ZNF609: variants seen among roughly 807,000 people sequenced by gnomAD.
ZNF609 encodes zinc finger protein 609.
Under a neutral mutation model 109.5 loss-of-function variants are expected in ZNF609, and 11 were observed. The ratio of observed to expected loss-of-function variants is 0.10; its 90% CI spans 0.06 to 0.17. The LOEUF is 0.17. Ranked by LOEUF, ZNF609 falls within the 10% of genes least tolerant of loss-of-function variation. The pLI is 1.00. For synonymous variants in ZNF609, 646 were observed against 662.0 expected (o/e 0.98, Z 0.37); for missense variants, 1,559 against 1,772.4 (o/e 0.88, Z 2.16).
intron 2 of ZNF609, among the ~76,000 whole-genome samples, chr15:64,552,510 A>T (rs1010727140): frequency 2.6e-5 from 4 of 151,938 alleles, no homozygotes; most frequent in African/African-American, 9.7e-5. Context: ...GGCACGCACC[A>T]CGCCTGGCTA....
intron 2 of ZNF609, among the ~76,000 whole-genome samples, chr15:64,556,901 A>G (rs1894597393): frequency 6.6e-6 from 1 of 152,214 alleles, no homozygotes; most frequent in African/African-American, 2.4e-5. Flanking sequence ...ATTTAATGCC[A>G]TTTATAATAA....
intron 1 of ZNF609, among the ~76,000 whole-genome samples, chr15:64,481,325 T>C (rs546828389): frequency 2.7e-5 from 4 of 149,712 alleles, no homozygotes; most frequent in East Asian, 3.9e-4. Flanking sequence ...TTTTCTTTTT[T>C]TTTTTTTTTT....
chr15:64,551,592 T>C lies in ZNF609; in HGVS notation c.747+51426T>C, dbSNP rs567688947. Among the ~76,000 whole-genome samples the C allele has an allele frequency of 5.3e-5, 7 of 132,872 alleles. 2 individuals carry two copies. Among genetic ancestry groups the C allele is most frequent in the African/African-American group, 7.9e-5 (3 of 37,912 alleles). 87.2% of individuals were successfully genotyped at this position (132,872 alleles called of 152,430 possible). Reference sequence around the variant, plus strand: ...GCTTGAACCTGGGAAGCGGAGGTTATGGTGAGCCGAGATCGCGCCACTGCA... The same window carrying C: ...GCTTGAACCTGGGAAGCGGAGGTTACGGTGAGCCGAGATCGCGCCACTGCA... On this transcript the variant is annotated intron_variant, in intron 2 of 9. Coordinates refer to ENST00000326648, the MANE Select transcript of ZNF609 (RefSeq NM_015042.2).
chr15:64,636,262 G>T (rs757767879), intron 3 of ZNF609, among the ~76,000 whole-genome samples: 1 of 152,110 alleles, frequency 6.6e-6, no homozygotes, highest in Non-Finnish European at 1.5e-5. Context: ...CTATCCCTGT[G>T]CTTACTCCTG....
upstream of ZNF609, among the ~76,000 whole-genome samples, chr15:64,460,497 A>G (rs1892920041): frequency 6.6e-6 from 1 of 152,058 alleles, no homozygotes. Context: ...CCCTGCGCTC[A>G]CCGGCTCCAG....
At chr15:64,495,315 T>G (rs1462524026) in intron 1 of ZNF609, among the ~76,000 whole-genome samples, 1 of 152,214 alleles carries the variant, frequency 6.6e-6, no homozygotes, top group East Asian at 1.9e-4. Context: ...CAAAGTGCAG[T>G]TGATATTTGT....
At chr15:64,528,129 G>T (rs1249965447) in intron 2 of ZNF609, among the ~76,000 whole-genome samples, 1 of 150,506 alleles carries the variant, frequency 6.6e-6, no homozygotes, top group Non-Finnish European at 1.5e-5. Flanking sequence ...TTGGAGTCTC[G>T]CTCTGTTGCC....
At position 64,499,817 on chromosome 15, in the gene ZNF609, G is replaced by T; in HGVS notation, c.398G>T (p.Gly133Val). 1.2e-6 allele frequency: 2 copies of T among 1,614,134 alleles called. No individual in the cohort carries two copies. Among genetic ancestry groups the T allele is most frequent in the Non-Finnish European group, 1.7e-6 (2 of 1,180,014 alleles). ...GRSGDGANAG[G>V]LVAAIAPKGS... Reference sequence around the variant, plus strand: ...TCAGGAGATGGTGCCAATGCTGGAGGCCTGGTTGCTGCTATTGCTCCCAAG... The same window carrying T: ...TCAGGAGATGGTGCCAATGCTGGAGTCCTGGTTGCTGCTATTGCTCCCAAG... Residue 133 changes from glycine (G) to valine (V), a missense_variant, in exon 2 of 10, where the codon GGC becomes GTC. This residue lies in a region of ZNF609 where 291 missense variants were observed against 317.8 expected (regional missense o/e 0.92). Transcript: ENST00000326648.
At chr15:64,679,730 C>T (rs1432001677) in intron 6 of ZNF609, among the ~76,000 whole-genome samples, 1 of 152,154 alleles carries the variant, frequency 6.6e-6, no homozygotes, top group East Asian at 1.9e-4. Context: ...CTTTTTTAAT[C>T]CTCCCTATCA....
At chr15:64,469,017 A>G (rs1438099016) in intron 1 of ZNF609, among the ~76,000 whole-genome samples, 1 of 141,948 alleles carries the variant, frequency 7.0e-6, no homozygotes, top group Non-Finnish European at 1.5e-5. Context: ...AGCCTGGGCA[A>G]CAGAGAGGCC....
chr15:64,605,902 C>CTTTT (rs10542161), intron 2 of ZNF609, among the ~76,000 whole-genome samples: 1 of 70,688 alleles, frequency 1.4e-5, no homozygotes, highest in African/African-American at 5.9e-5. Context: ...CCCGGCTAAT[C>CTTTT]TTTTTTTTTT....
intron 1 of ZNF609, among the ~76,000 whole-genome samples, chr15:64,493,585 A>T (rs1326842183): frequency 6.6e-6 from 1 of 152,236 alleles, no homozygotes; most frequent in Non-Finnish European, 1.5e-5. Flanking sequence ...GTGTAGGAAC[A>T]AAACACAGAT....
At chr15:64,530,267 C>T (rs144916788) in intron 2 of ZNF609, among the ~76,000 whole-genome samples, 1 of 152,294 alleles carries the variant, frequency 6.6e-6, no homozygotes, top group East Asian at 1.9e-4. Context: ...CCGCTTGCCT[C>T]TCAAAGTGCT....
intron 1 of ZNF609, among the ~76,000 whole-genome samples, chr15:64,465,354 A>C (rs1017220612): frequency 1.3e-5 from 2 of 151,012 alleles, no homozygotes; most frequent in African/African-American, 4.8e-5. Context: ...TGAAGTTTGC[A>C]TCTCTTCGGT....
At chr15:64,514,339 C>T (rs1177042483) in intron 2 of ZNF609, among the ~76,000 whole-genome samples, 1 of 152,124 alleles carries the variant, frequency 6.6e-6, no homozygotes, top group Admixed American at 6.5e-5. Context: ...AACTTTGGGT[C>T]CATGGAATGA....
At chr15:64,492,206 G>A (rs1893423424) in intron 1 of ZNF609, among the ~76,000 whole-genome samples, 1 of 152,154 alleles carries the variant, frequency 6.6e-6, no homozygotes, top group Admixed American at 6.5e-5. Flanking sequence ...TCACGCCACT[G>A]CACTCCAGCC....
chr15:64,594,661 C>T (rs934688591), intron 2 of ZNF609, among the ~76,000 whole-genome samples: 1 of 151,500 alleles, frequency 6.6e-6, no homozygotes, highest in Non-Finnish European at 1.5e-5. Context: ...ATTTTGAGGG[C>T]CATTGATTTT....
chr15:64,596,106 A>T (rs1241399219), intron 2 of ZNF609, among the ~76,000 whole-genome samples: 1 of 152,144 alleles, frequency 6.6e-6, no homozygotes, highest in Non-Finnish European at 1.5e-5. Context: ...GTGTCTAGTA[A>T]TATGAAATGA....
chr15:64,539,784 C>T (rs528399494), intron 2 of ZNF609, among the ~76,000 whole-genome samples: 2 of 152,238 alleles, frequency 1.3e-5, no homozygotes, highest in South Asian at 2.1e-4. Context: ...TGAGCCACTA[C>T]GCCCAGCCTA....
Sources: allele counts gnomAD v4.1 joint callset (sites outside exome capture counted in the v4.1 genomes callset), GRCh38; gene constraint gnomAD v4.1.1; regional missense constraint gnomAD v4.1.1; transcripts MANE v1.5; gene names NCBI Gene and HGNC (gene_info 2026-07-23, HGNC 2026-07-21).